The following OGT variants were observed in gnomAD, a reference collection of about 807,000 sequenced individuals.
The protein encoded by OGT is O-linked N-acetylglucosamine (GlcNAc) transferase.
OGT carries 3 observed loss-of-function variants against 75.8 expected under a neutral mutation model. The ratio of observed to expected loss-of-function variants is 0.04; its 90% CI spans 0.02 to 0.10. OGT has a LOEUF of 0.10. OGT is among the 10% of genes least tolerant of loss of function. The pLI, the probability that OGT is intolerant of heterozygous loss-of-function variation, is 1.00. For synonymous variants in OGT, 257 were observed against 289.7 expected (o/e 0.89, Z 1.15); for missense variants, 260 against 824.4 (o/e 0.32, Z 8.38).
intron 3 of OGT, among the ~76,000 whole-genome samples, chrX:71,544,048 AGT>A (rs1243382691): frequency 1.8e-5 from 2 of 109,745 alleles, no homozygotes; most frequent in African/African-American, 6.6e-5. Context: ...GCCCTCCCAA[AGT>A]GTGGGGATTA....
At chrX:71,547,574 T>A (rs1179801075) in intron 4 of OGT, 6 of 833,504 alleles carry the variant, frequency 7.2e-6, no homozygotes, top group Non-Finnish European at 8.7e-6. Context: ...CCCGTAGTTG[T>A]TTGGATAAGA....
chrX:71,547,808 T>TCTC, intron 4 of OGT, 99 bp from the exon 5 acceptor site: 2 of 1,068,203 alleles, frequency 1.9e-6, no homozygotes, highest in Non-Finnish European at 2.4e-6. Flanking sequence ...ATCACCTTCT[T>TCTC]CCCCCCCTCC....
At chrX:71,541,818 G>C (rs932244889) in intron 3 of OGT, among the ~76,000 whole-genome samples, 1 of 111,030 alleles carries the variant, frequency 9.0e-6, no homozygotes, top group African/African-American at 3.3e-5. Flanking sequence ...TGTGGCTGGT[G>C]GGGGTGGGAG....
intron 1 of OGT, among the ~76,000 whole-genome samples, chrX:71,535,512 T>TG (rs1232766315): frequency 8.9e-6 from 1 of 112,459 alleles, no homozygotes; most frequent in Non-Finnish European, 1.9e-5. Context: ...TTGGCTGTTG[T>TG]CAAATGACAA....
chrX:71,546,749 T>C, intron 4 of OGT: 6 of 754,973 alleles, frequency 7.9e-6, no homozygotes, highest in Non-Finnish European at 9.4e-6. Context: ...TTGTTTGGAT[T>C]GCAGCATTCT....
chrX:71,538,342 A>G (rs1031749303), intron 3 of OGT, among the ~76,000 whole-genome samples: 2 of 112,633 alleles, frequency 1.8e-5, no homozygotes, highest in Non-Finnish European at 3.7e-5. Context: ...TACAGAGCAC[A>G]TGACTTTTTT....
At chrX:71,552,637 G>A (rs996015830) in intron 5 of OGT, among the ~76,000 whole-genome samples, 18 of 110,233 alleles carry the variant, frequency 1.6e-4, no homozygotes, top group African/African-American at 5.9e-4. Flanking sequence ...TGCCTGCCTC[G>A]GCCTCTCAAA....
intron 21 of OGT, among the ~76,000 whole-genome samples, chrX:71,572,721 C>T (rs777674895): frequency 8.9e-6 from 1 of 111,807 alleles, no homozygotes; most frequent in East Asian, 2.8e-4. Flanking sequence ...GAGCCATCAT[C>T]GTTCCATTGC....
At chrX:71,549,093 T>G (rs761622362) in intron 5 of OGT, among the ~76,000 whole-genome samples, 22 of 108,033 alleles carry the variant, frequency 2.0e-4, no homozygotes, top group African/African-American at 3.4e-5. Context: ...TTGCTTGAGC[T>G]TAGGAGTTGA....
intron 18 of OGT, 79 bp from the exon 19 acceptor site, chrX:71,564,522 T>C: frequency 1.3e-6 from 1 of 791,181 alleles, no homozygotes; most frequent in East Asian, 3.3e-5. Flanking sequence ...TTAATGGTTA[T>C]ACCATTTTGG....
chrX:71,538,191 G>A (rs2040193362), intron 3 of OGT, 119 bp downstream of exon 3: 6 of 790,967 alleles, frequency 7.6e-6, no homozygotes, highest in South Asian at 5.7e-5. Context: ...TTAGAAATGC[G>A]TATGTACTTA....
intron 12 of OGT, among the ~76,000 whole-genome samples, chrX:71,558,765 CTTT>C (rs397895020): frequency 3.3e-5 from 2 of 61,497 alleles, no homozygotes; most frequent in African/African-American, 8.3e-5. Context: ...TTTGCTCGTA[CTTT>C]TTTTTTTTTT....
intron 5 of OGT, among the ~76,000 whole-genome samples, chrX:71,550,887 G>T (rs2040299028): frequency 1.8e-5 from 2 of 110,232 alleles, no homozygotes; most frequent in Non-Finnish European, 3.8e-5. Context: ...GAAGGGTGGT[G>T]AGGCTTGGGG....
At chrX:71,550,958 A>G (rs1470420570) in intron 5 of OGT, among the ~76,000 whole-genome samples, 1 of 111,301 alleles carries the variant, frequency 9.0e-6, no homozygotes, top group East Asian at 2.8e-4. Flanking sequence ...GACTGGAGGA[A>G]TAAGTTTTAG....
intron 4 of OGT, chrX:71,546,772 A>G: frequency 2.7e-6 from 2 of 754,264 alleles, no homozygotes; most frequent in Non-Finnish European, 3.1e-6. Context: ...TCTTCTGATG[A>G]TGCGCTGTGA....
In OGT at chrX:71,561,797, C is replaced by T; in HGVS notation, c.1874C>T (p.Ala625Val). 8.3e-7 allele frequency: 1 copy of T among 1,201,776 alleles called. No homozygotes were observed. The highest frequency in any genetic ancestry group is 2.2e-5 in the Admixed American group (1 of 45,210). ...LSQIPCNGKAADRIHQDGIHI... is the reference protein window; with the variant it reads ...LSQIPCNGKAVDRIHQDGIHI... ...TAGATTCCATGCAATGGAAAAGCAGCTGATCGCATCCATCAGGATGGAATT... is the reference window on the plus strand; with the variant it reads ...TAGATTCCATGCAATGGAAAAGCAGTTGATCGCATCCATCAGGATGGAATT... Residue 625 changes from alanine to valine, a missense_variant, in exon 15 of 22, where the codon GCT becomes GTT. By Grantham distance (64) the Ala-to-Val change is moderately conservative. This residue lies in a region of OGT where 99 missense variants were observed against 417.9 expected (regional missense o/e 0.24). Coordinates refer to ENST00000373719, the MANE Select transcript of OGT (RefSeq NM_181672.3).
intron 3 of OGT, among the ~76,000 whole-genome samples, chrX:71,540,657 A>G (rs1015628394): frequency 3.7e-5 from 4 of 109,496 alleles, no homozygotes; most frequent in African/African-American, 1.3e-4. Flanking sequence ...AATTTTGGTA[A>G]GATTTTAGTC....
Position 71,557,642 on chromosome X carries a change from T to G in OGT, c.1572T>G (p.Ala524=), listed in dbSNP as rs2040351574. Residue 524 remains alanine, a synonymous_variant, in exon 12 of 22, where the codon GCT becomes GCG. Coordinates refer to ENST00000373719, the MANE Select transcript of OGT (RefSeq NM_181672.3). The stretch of plus-strand genomic sequence containing the variant: ...CTCATGGCTTCAGGAAGGCTATTGC[T>G]GAGAGGCACGGCAACCTGTGCTTAG... The part of the protein sequence containing the change: ...PLSHGFRKAI[A]ERHGNLCLDK... 4 of 1,204,020 alleles carry G rather than the reference T, an allele frequency of 3.3e-6. No homozygotes were observed. In the South Asian group the frequency reaches 5.4e-5, roughly 16 times the overall value.
intron 5 of OGT, among the ~76,000 whole-genome samples, chrX:71,553,849 T>C (rs1272413808): frequency 1.8e-5 from 2 of 112,034 alleles, no homozygotes; most frequent in South Asian, 7.4e-4. Context: ...TTCTCTTCCT[T>C]GGTTATACAT....
Sources: allele counts gnomAD v4.1 joint callset (sites outside exome capture counted in the v4.1 genomes callset), GRCh38; gene constraint gnomAD v4.1.1; regional missense constraint gnomAD v4.1.1; transcripts MANE v1.5; gene names NCBI Gene and HGNC (gene_info 2026-07-23, HGNC 2026-07-21).